NBPF12: variants seen among roughly 807,000 people sequenced by gnomAD.
NBPF12 encodes the protein NBPF member 12, also known as NBPF family member NBPF12.
Under a neutral mutation model 146.4 loss-of-function variants are expected in NBPF12, and 115 were observed. The observed-to-expected ratio is 0.79, with a 90% CI of 0.68 to 0.92. The LOEUF (loss-of-function observed/expected upper bound fraction) is 0.92. Among genes scored for constraint, NBPF12 ranks in the 40% least tolerant of loss-of-function variants. The pLI is 0.00. For missense variants in NBPF12, 1,205 were observed against 1,326.8 expected (o/e 0.91, Z 1.43); for synonymous variants, 385 against 508.9 (o/e 0.76, Z 3.28).
At chr1:146,994,806 G>C (rs1658442720) in exon 34 of NBPF12, 7 of 799,230 alleles carry the variant, frequency 8.8e-6, no homozygotes, top group Non-Finnish European at 9.4e-6. Context: ...CATGCCGGGA[G>C]TGATCAGCCG....
At chr1:146,965,980 G>A (rs1349504953) in intron 8 of NBPF12, among the ~76,000 whole-genome samples, 12 of 151,276 alleles carry the variant, frequency 7.9e-5, no homozygotes, top group East Asian at 5.8e-4. Context: ...GTTACTTGGC[G>A]CTTGTAATCC....
chr1:146,975,220 CTCAA>C (rs1165206497), intron 15 of NBPF12, among the ~76,000 whole-genome samples: 8 of 137,496 alleles, frequency 5.8e-5, no homozygotes, highest in African/African-American at 2.3e-4. Context: ...CATTCTTTCA[CTCAA>C]TCAATGTTGC....
At chr1:146,976,367 C>G (rs1553887333) in intron 16 of NBPF12, among the ~76,000 whole-genome samples, 1 of 137,930 alleles carries the variant, frequency 7.3e-6, no homozygotes, top group Non-Finnish European at 1.5e-5. Flanking sequence ...CAACTGCTTT[C>G]CAAAATGAGA....
At chr1:146,957,900 TAC>T (rs1655669995) in intron 2 of NBPF12, among the ~76,000 whole-genome samples, 1 of 107,694 alleles carries the variant, frequency 9.3e-6, no homozygotes, top group Non-Finnish European at 1.9e-5. Flanking sequence ...CACATATATA[TAC>T]ACGTATGTAT....
chr1:146,986,006 G>C (rs1281533227), intron 23 of NBPF12, among the ~76,000 whole-genome samples: 1 of 151,752 alleles, frequency 6.6e-6, no homozygotes, highest in Non-Finnish European at 1.5e-5. Flanking sequence ...TCTTGAGCAA[G>C]TTTATGGAAA....
chr1:146,964,483 A>C, intron 7 of NBPF12, 54 bp downstream of exon 10: 4 of 1,592,518 alleles, frequency 2.5e-6, no homozygotes, highest in Non-Finnish European at 3.4e-6. Flanking sequence ...GAAAATGTCT[A>C]GAAGGCACAC....
chr1:146,984,638 C>T (rs1280780415), intron 21 of NBPF12, among the ~76,000 whole-genome samples, 175 bp from the exon 25 acceptor site: 2,988 of 138,100 alleles, frequency 0.022, 179 homozygotes, highest in African/African-American at 0.085. Context: ...TCTCTTTCAT[C>T]CTTTTCTACC....
Position 146,984,952 on chromosome 1 carries a change from C to G in NBPF12, c.2806C>G (p.Gln936Glu). 9 of 1,327,666 alleles carry G rather than the reference C, an allele frequency of 6.8e-6. No homozygotes were observed. In the South Asian group the frequency reaches 1.1e-4, roughly 17 times the overall value. 82.2% of individuals were successfully genotyped at this position (1,327,666 alleles called of 1,614,324 possible). Residue 936 changes from glutamine (Q) to glutamate (E), a missense_variant, in exon 22 of 34, where the codon CAA (glutamine) becomes GAA (glutamate). By Grantham distance (29) the Gln-to-Glu change is conservative (BLOSUM62 2). This residue lies in a region of NBPF12 where 68 missense variants were observed against 62.2 expected (regional missense o/e 1.09). Coordinates refer to ENST00000617844, the Ensembl canonical transcript of NBPF12. ...CAGAAGTGCCTTTTACGTATTGGAG[C>G]AACAGCGTGTTGGCTTGGCTGTTGA...
intron 4 of NBPF12, 44 bp from the exon 8 acceptor site, chr1:146,962,117 T>C: frequency 6.3e-7 from 1 of 1,593,822 alleles, no homozygotes; most frequent in South Asian, 1.1e-5. Flanking sequence ...CACAGCAGCA[T>C]GTCCAGCCTT....
At chr1:146,957,626 C>T (rs1655651838) in intron 2 of NBPF12, 1 of 133,484 alleles carries the variant, frequency 7.5e-6, no homozygotes, top group Non-Finnish European at 1.7e-5. Context: ...ATGGCCGTGT[C>T]CTAACAGGTC....
At chr1:146,976,338 T>C (rs1481461730) in intron 16 of NBPF12, among the ~76,000 whole-genome samples, 3 of 141,306 alleles carry the variant, frequency 2.1e-5, no homozygotes, top group East Asian at 2.1e-4. Context: ...TCTGAAGCTT[T>C]CAAATGTGGG....
rs1388802611 is a variant in NBPF12 at position 146,962,993 on chromosome 1, A to G, written c.279-102A>G. On this transcript the variant is annotated intron_variant, in intron 5 of 33. Coordinates refer to ENST00000617844, the Ensembl canonical transcript of NBPF12. ...TCAACATGTGCTGACCTTCTGCTTG[A>G]AGGTCTCCTTGAGAACATTGTCTCA... 217 of 960,146 alleles carry G rather than the reference A, an allele frequency of 2.3e-4. 2 individuals are homozygous for G. Among genetic ancestry groups the G allele is most frequent in the African/African-American group, 1.5e-3 (95 of 61,558 alleles). The allele number at this position is 960,146 out of a possible 1,614,324, so 59.5% of individuals were successfully genotyped here.
intron 4 of NBPF12, among the ~76,000 whole-genome samples, chr1:146,961,886 G>A (rs1314430967): frequency 6.6e-6 from 1 of 152,038 alleles, no homozygotes; most frequent in African/African-American, 2.4e-5. Flanking sequence ...AGACCTCAGG[G>A]GCTGTGAGTT....
At chr1:146,953,972 G>T (rs1655439546) in intron 2 of NBPF12, among the ~76,000 whole-genome samples, 1 of 150,090 alleles carries the variant, frequency 6.7e-6, no homozygotes, top group African/African-American at 2.5e-5. Context: ...TGGTAGTGTT[G>T]CAGAATGTAA....
chr1:146,992,472 G>GTT (rs1658251082), intron 31 of NBPF12, among the ~76,000 whole-genome samples: 43 of 103,106 alleles, frequency 4.2e-4, no homozygotes, highest in African/African-American at 7.7e-4. Flanking sequence ...CTGTGTGTGT[G>GTT]TGTGTGTGTG....
In NBPF12 at chr1:146,968,593, A is replaced by G. The variant is rs1656356364; in HGVS notation, c.1091+43A>G. On this transcript the variant is annotated intron_variant, in intron 10 of 33. Coordinates refer to ENST00000617844, the Ensembl canonical transcript of NBPF12. The stretch of plus-strand genomic sequence containing the variant: ...GGGCAGGCAGGGGGGCAGGTGTGTA[A>G]ATCTCTGAAGTACAACAGCTCGGTG... The G allele has an allele frequency of 3.9e-6, 6 of 1,539,238 alleles. No homozygotes were observed. The African/African-American group carries it at 4.1e-5, about 11-fold the overall frequency.
chr1:146,984,961 G>C (rs1384901450), exon 22 of NBPF12: 1 of 1,353,418 alleles, frequency 7.4e-7, no homozygotes, highest in Non-Finnish European at 1.0e-6. Context: ...GCAACAGCGT[G>C]TTGGCTTGGC....
chr1:146,969,574 C>T (rs1371401089), exon 11 of NBPF12: 4 of 1,608,574 alleles, frequency 2.5e-6, no homozygotes, highest in Non-Finnish European at 3.4e-6. Context: ...TGGCACAGCA[C>T]CTTGTCCAAA....
chr1:146,951,274 T>A, intron 1 of NBPF12, 74 bp from the exon 5 acceptor site: 1 of 714,804 alleles, frequency 1.4e-6, no homozygotes, highest in Non-Finnish European at 2.5e-6. Flanking sequence ...CCTGGGGTCA[T>A]GGTAAGAAAG....
Sources: gnomAD v4.1 joint callset for allele counts (sites outside exome capture counted in the v4.1 genomes callset) on GRCh38, gnomAD v4.1.1 for gene constraint, gnomAD v4.1.1 regional missense constraint, MANE v1.5 for transcripts, NCBI Gene and HGNC (gene_info 2026-07-23, HGNC 2026-07-21) for gene names.